TRIM37: variants seen among roughly 807,000 people sequenced by gnomAD.
The protein encoded by TRIM37 is E3 ubiquitin-protein ligase TRIM37.
Under a neutral mutation model 129.8 loss-of-function variants are expected in TRIM37, and 80 were observed. The observed-to-expected ratio is 0.62, with a 90% CI of 0.51 to 0.74. TRIM37 has a LOEUF of 0.74. TRIM37 is among the 30% of genes least tolerant of loss of function. The probability of loss-of-function intolerance (pLI) is 0.00; values close to 1 mark genes in which losing one functional copy is unlikely to be tolerated. For synonymous variants in TRIM37, 389 were observed against 387.1 expected (o/e 1.00, Z -0.06); for missense variants, 1,054 against 1,176.5 (o/e 0.90, Z 1.52).
chr17:59,060,331 CTTT>C (rs752461399), intron 12 of TRIM37, among the ~76,000 whole-genome samples: 11 of 141,172 alleles, frequency 7.8e-5, no homozygotes, highest in Non-Finnish European at 1.2e-4. Flanking sequence ...TTCATGAGGT[CTTT>C]TTTTTTTTTT....
At chr17:59,090,127 A>G (rs991012676) in intron 3 of TRIM37, 2 of 152,124 alleles carry the variant, frequency 1.3e-5, no homozygotes, top group Non-Finnish European at 2.9e-5. Flanking sequence ...AGTGAATACA[A>G]AAAGAAAAAT....
chr17:58,999,453 T>G lies in TRIM37; in HGVS notation c.2819A>C (p.His940Pro), dbSNP rs1221398502. The change falls in exon 24 of 24, where the codon CAT becomes CCT. Residue 940 changes from histidine (H) to proline (P), a missense_variant. Physicochemically the swap from His to Pro is moderately conservative, Grantham distance 77. Transcript: ENST00000262294. The part of the protein sequence containing the change: ...VMTQPPDEDT[H>P]SSFPDGEQIG... ...TTGTTCACCATCAGGAAAACTGGAA[T>G]GTGTATCTATGATTAAAAAATAAAT... 1.2e-6 allele frequency: 2 copies of G among 1,608,146 alleles called. No homozygotes were observed. Among genetic ancestry groups the G allele is most frequent in the Non-Finnish European group, 1.7e-6 (2 of 1,177,334 alleles).
At chr17:59,080,109 T>G (rs889631886) in intron 6 of TRIM37, among the ~76,000 whole-genome samples, 1 of 152,150 alleles carries the variant, frequency 6.6e-6, no homozygotes, top group Non-Finnish European at 1.5e-5. Context: ...CCTAAAGAGG[T>G]AAAACAAAGA....
chr17:59,088,504 A>G, intron 3 of TRIM37, 97 bp from the exon 4 acceptor site: 1 of 797,306 alleles, frequency 1.3e-6, no homozygotes, highest in Non-Finnish European at 2.2e-6. Flanking sequence ...AATAATACTC[A>G]TACCATAACA....
chr17:58,989,076 TAG>T (rs1303323790), intron 24 of TRIM37, among the ~76,000 whole-genome samples: 2 of 152,154 alleles, frequency 1.3e-5, no homozygotes, highest in Non-Finnish European at 2.9e-5. Flanking sequence ...ACAAAATATA[TAG>T]AGTCATATGA....
At chr17:58,973,990 G>A in the TRIM37 span, among the ~76,000 whole-genome samples, 3 of 148,924 alleles carry the variant, frequency 2.0e-5, no homozygotes, top group South Asian at 2.1e-4. Flanking sequence ...ATTGCTGGGC[G>A]TAGTGGCTTG....
chr17:59,065,396 C>A (rs2041846518), intron 9 of TRIM37, among the ~76,000 whole-genome samples: 1 of 152,144 alleles, frequency 6.6e-6, no homozygotes, highest in Non-Finnish European at 1.5e-5. Context: ...ACCTCATCAC[C>A]TAAGGGGCAA....
chr17:59,090,983 A>G (rs2044251112), intron 3 of TRIM37, among the ~76,000 whole-genome samples: 1 of 152,122 alleles, frequency 6.6e-6, no homozygotes, highest in Non-Finnish European at 1.5e-5. Flanking sequence ...GCTTAATTAT[A>G]AAAGATAAAT....
the TRIM37 span, among the ~76,000 whole-genome samples, chr17:58,976,769 G>C: frequency 6.6e-6 from 1 of 152,170 alleles, no homozygotes; most frequent in African/African-American, 2.4e-5. Context: ...CATTTTCTCT[G>C]TACAAATCTT....
intron 1 of TRIM37, among the ~76,000 whole-genome samples, chr17:59,104,717 A>G (rs550174255): frequency 9.2e-5 from 14 of 152,326 alleles, no homozygotes; most frequent in African/African-American, 3.4e-4. Context: ...TAAGTAAATT[A>G]TGGCAGTTAC....
intron 22 of TRIM37, 140 bp from the exon 23 acceptor site, chr17:59,001,854 C>T (rs2144536798): frequency 8.1e-7 from 1 of 1,230,616 alleles, no homozygotes; most frequent in South Asian, 1.3e-5. Context: ...TAAACACTAA[C>T]AAAACAAAGA....
intron 21 of TRIM37, 89 bp from the exon 22 acceptor site, chr17:59,012,535 G>T: frequency 1.1e-6 from 1 of 888,534 alleles, no homozygotes; most frequent in Non-Finnish European, 1.9e-6. Context: ...AAACTAAGTA[G>T]GGTACGTGCT....
chr17:59,053,888 C>A (rs961739180), intron 13 of TRIM37, among the ~76,000 whole-genome samples: 1 of 151,976 alleles, frequency 6.6e-6, no homozygotes, highest in South Asian at 2.1e-4. Context: ...CACTTGAGCC[C>A]GAGAATTCTA....
downstream of TRIM37, among the ~76,000 whole-genome samples, chr17:58,996,806 G>GTT (rs1289133082): frequency 2.7e-5 from 4 of 150,720 alleles, no homozygotes; most frequent in Non-Finnish European, 4.4e-5. Context: ...GTGTGTGTGT[G>GTT]TGTGTGTGTG....
Position 59,042,152 on chromosome 17 carries a change from G to A in TRIM37, c.1668-254C>T, listed in dbSNP as rs952593495. Among the ~76,000 whole-genome samples the A allele has an allele frequency of 3.3e-5, 5 of 151,580 alleles. No homozygotes were observed. In the East Asian group the frequency reaches 5.8e-4, roughly 18 times the overall value. On this transcript the variant is annotated intron_variant, in intron 16 of 23. Transcript: ENST00000262294. ...AGCACTTTGGGAGGCTGAGGCAGGC[G>A]GATCACGAGGTCAGGAGATCGAGAC...
chr17:59,054,775 C>T (rs887423150), intron 13 of TRIM37, among the ~76,000 whole-genome samples: 2 of 152,120 alleles, frequency 1.3e-5, no homozygotes, highest in Admixed American at 1.3e-4. Flanking sequence ...AGCGATTCTC[C>T]TGCCTTGGCC....
At chr17:59,047,396 T>C (rs948686600) in intron 16 of TRIM37, among the ~76,000 whole-genome samples, 2 of 152,184 alleles carry the variant, frequency 1.3e-5, no homozygotes, top group Admixed American at 6.5e-5. Context: ...AAAAATTATA[T>C]ACAGAGAAAT....
Position 59,061,089 on chromosome 17 carries a change from C to T in TRIM37, c.962G>A (p.Arg321Gln), listed in dbSNP as rs1291731953. ...CAGAAACACAGATAAGTAGTAACCT[C>T]GCACAACTCCATTTCCATCCTAAAA... ...KVYPDGNGVV[R>Q]GYYLSVFLEL... The change falls in exon 12 of 24, where the codon CGA (arginine) becomes CAA (glutamine). Residue 321 changes from arginine (R) to glutamine (Q), a missense_variant. Physicochemically the swap from Arg to Gln is conservative, Grantham distance 43. This residue lies in a region of TRIM37 where 752 missense variants were observed against 870.8 expected (regional missense o/e 0.86). Coordinates refer to ENST00000262294, the MANE Select transcript of TRIM37 (RefSeq NM_015294.6). 12 of 1,613,400 alleles carry T rather than the reference C, an allele frequency of 7.4e-6. No homozygotes were observed. Among genetic ancestry groups the T allele is most frequent in the South Asian group, 2.2e-5 (2 of 91,064 alleles).
rs2033742140 is a variant in TRIM37, at chr17:59,001,446, A to G, written c.2812+152T>C. The stretch of plus-strand genomic sequence containing the variant: ...ACCAAAGAATGTTGTCTCACAAATG[A>G]CAATAATTAAAAAAAAAAAAAAAGA... On this transcript the variant is annotated intron_variant, in intron 23 of 23. Transcript: ENST00000262294. 1.2e-5 allele frequency: 11 copies of G among 904,458 alleles called. No homozygotes were observed. In the East Asian group the frequency reaches 2.9e-4, roughly 24 times the overall value. 56.0% of individuals were successfully genotyped at this position (904,458 alleles called of 1,614,324 possible). A position where few individuals can be genotyped will look rare whatever the true frequency, so the allele number is the denominator to read the frequency against.
Sources: allele counts gnomAD v4.1 joint callset (sites outside exome capture counted in the v4.1 genomes callset), GRCh38; gene constraint gnomAD v4.1.1; regional missense constraint gnomAD v4.1.1; transcripts MANE v1.5; gene names NCBI Gene and HGNC (gene_info 2026-07-23, HGNC 2026-07-21).